RBM19: variants seen among roughly 807,000 people sequenced by gnomAD.
RBM19 encodes the protein probable RNA-binding protein 19.
Under a neutral mutation model 116.8 loss-of-function variants are expected in RBM19, and 94 were observed. That is an observed-to-expected ratio of 0.80 (90% CI 0.68 to 0.95). The LOEUF (loss-of-function observed/expected upper bound fraction) is 0.95, where lower values mean the gene tolerates loss of function less well. Ranked by LOEUF, RBM19 falls within the 40% of genes least tolerant of loss-of-function variation. The pLI is 0.00. For synonymous variants in RBM19, 475 were observed against 494.1 expected (o/e 0.96, Z 0.51); for missense variants, 1,161 against 1,220.7 (o/e 0.95, Z 0.73).
At chr12:113,953,529 T>A (rs920151248) in intron 7 of RBM19, among the ~76,000 whole-genome samples, 2 of 152,166 alleles carry the variant, frequency 1.3e-5, no homozygotes, top group Admixed American at 1.3e-4. Flanking sequence ...TCTACAAATG[T>A]GAGAGAGTAT....
At chr12:113,956,695 A>G (rs1407266048) in intron 6 of RBM19, among the ~76,000 whole-genome samples, 5 of 151,920 alleles carry the variant, frequency 3.3e-5, no homozygotes, top group Admixed American at 2.6e-4. Flanking sequence ...TCTGATGCAG[A>G]GAGGACTCCC....
chr12:113,932,960 C>A lies in RBM19; in HGVS notation c.2068+4047G>T, dbSNP rs1439616231. 2.0e-5 allele frequency among the ~76,000 whole-genome samples: 3 copies of A among 152,046 alleles called. No homozygotes were observed. In the East Asian group the frequency reaches 5.8e-4, roughly 29 times the overall value. On this transcript the variant is annotated intron_variant, in intron 16 of 23. Transcript: ENST00000261741. Reference sequence around the variant, plus strand: ...TCGCCACATGGGGCTTTATTATAATCAGGCCACAGAATTTACTGCGGCCTC... The same window carrying A: ...TCGCCACATGGGGCTTTATTATAATAAGGCCACAGAATTTACTGCGGCCTC...
At chr12:113,890,619 C>T (rs1425140137) in intron 21 of RBM19, among the ~76,000 whole-genome samples, 1 of 152,152 alleles carries the variant, frequency 6.6e-6, no homozygotes, top group Non-Finnish European at 1.5e-5. Context: ...GCTCTGGCCA[C>T]GGTGGAGAGA....
chr12:113,939,855 T>C (rs2135905259), intron 15 of RBM19, 105 bp downstream of exon 15: 1 of 1,250,494 alleles, frequency 8.0e-7, no homozygotes, highest in Non-Finnish European at 1.1e-6. Flanking sequence ...TAGGGTGAGC[T>C]CCCATGTGCC....
At chr12:113,824,617 C>A (rs1333534924) in intron 23 of RBM19, among the ~76,000 whole-genome samples, 2 of 152,062 alleles carry the variant, frequency 1.3e-5, no homozygotes, top group South Asian at 2.1e-4. Context: ...TGTGAGCTCC[C>A]TGGAGCTCAC....
At chr12:113,839,828 G>A (rs891168763) in intron 23 of RBM19, among the ~76,000 whole-genome samples, 1 of 152,180 alleles carries the variant, frequency 6.6e-6, no homozygotes, top group South Asian at 2.1e-4. Flanking sequence ...GCCAGAATGC[G>A]GAATCCAGGT....
At chr12:113,837,814 G>C (rs1015936017) in intron 23 of RBM19, among the ~76,000 whole-genome samples, 2 of 152,208 alleles carry the variant, frequency 1.3e-5, no homozygotes, top group Non-Finnish European at 2.9e-5. Context: ...GATTGCGACA[G>C]TACAGTAAAT....
intron 21 of RBM19, among the ~76,000 whole-genome samples, chr12:113,862,279 T>A (rs1049165372): frequency 6.6e-5 from 10 of 152,194 alleles, no homozygotes; most frequent in Non-Finnish European, 1.5e-4. Flanking sequence ...GACTTGCCCA[T>A]GTCTCATGGC....
intron 21 of RBM19, among the ~76,000 whole-genome samples, chr12:113,874,229 C>A (rs1479929028): frequency 6.6e-6 from 1 of 152,214 alleles, no homozygotes; most frequent in African/African-American, 2.4e-5. Flanking sequence ...TCCAACAGCA[C>A]CTGGCACACA....
chr12:113,871,221 T>C (rs1879181852), intron 21 of RBM19, among the ~76,000 whole-genome samples: 1 of 152,218 alleles, frequency 6.6e-6, no homozygotes, highest in Non-Finnish European at 1.5e-5. Context: ...AAATGATGCC[T>C]GAAACCCACA....
At chr12:113,962,143 G>A (rs1382881091) in intron 2 of RBM19, 89 bp downstream of exon 2, 1 of 1,458,950 alleles carries the variant, frequency 6.9e-7, no homozygotes, top group Non-Finnish European at 9.5e-7. Flanking sequence ...AAAGTGAAGA[G>A]GGACGGTCTT....
At chr12:113,838,349 C>G (rs1439208599) in intron 23 of RBM19, among the ~76,000 whole-genome samples, 2 of 151,992 alleles carry the variant, frequency 1.3e-5, no homozygotes, top group Non-Finnish European at 2.9e-5. Flanking sequence ...TACGTAAACT[C>G]CATGGGGAGA....
At chr12:113,950,719 T>A (rs1471993489) in intron 8 of RBM19, among the ~76,000 whole-genome samples, 1 of 152,148 alleles carries the variant, frequency 6.6e-6, no homozygotes, top group Non-Finnish European at 1.5e-5. Flanking sequence ...AAAGAAATAC[T>A]CCGAGGGGCA....
Position 113,863,648 on chromosome 12 carries a change from G to C in RBM19, c.2559-4752C>G, listed in dbSNP as rs545136981. On this transcript the variant is annotated intron_variant, in intron 21 of 23. Coordinates refer to ENST00000261741, the MANE Select transcript of RBM19 (RefSeq NM_016196.4). The stretch of plus-strand genomic sequence containing the variant: ...AGCAGAAGTGCTGAGTCATGTGGGG[G>C]AGTTTGCTGGCATAACTTCTCCCCA... 1.4e-4 allele frequency among the ~76,000 whole-genome samples: 21 copies of C among 152,242 alleles called. No individual in the cohort carries two copies. In the South Asian group the frequency reaches 3.7e-3, roughly 27 times the overall value.
At chr12:113,817,579 C>T (rs550721142), downstream of RBM19, 2 of 152,372 alleles carry the variant, frequency 1.3e-5, no homozygotes, top group Admixed American at 1.3e-4. Context: ...GATGCCAGCT[C>T]AAGTTTCTGG....
At chr12:113,923,526 T>C in intron 18 of RBM19, among the ~76,000 whole-genome samples, 1 of 152,192 alleles carries the variant, frequency 6.6e-6, no homozygotes, top group East Asian at 1.9e-4. Context: ...CCCCAGTACT[T>C]CTGGGGAAAA....
chr12:113,827,044 C>T (rs112839395), intron 23 of RBM19, among the ~76,000 whole-genome samples: 9 of 152,286 alleles, frequency 5.9e-5, no homozygotes, highest in African/African-American at 1.7e-4. Context: ...AATGACACCC[C>T]GCACCTCCCG....
intron 2 of RBM19, among the ~76,000 whole-genome samples, 176 bp downstream of exon 2, chr12:113,962,056 G>A (rs190479276): frequency 1.1e-4 from 16 of 152,362 alleles, no homozygotes; most frequent in Admixed American, 7.8e-4. Context: ...CCAGGAAGCT[G>A]TTATAATAAG....
At chr12:113,914,252 A>T (rs1291512965) in intron 21 of RBM19, among the ~76,000 whole-genome samples, 9 of 152,246 alleles carry the variant, frequency 5.9e-5, no homozygotes, top group Non-Finnish European at 1.2e-4. Flanking sequence ...TCCCAGCTGG[A>T]TGACCAGAGA....
Sources: allele counts gnomAD v4.1 joint callset (sites outside exome capture counted in the v4.1 genomes callset), GRCh38; gene constraint gnomAD v4.1.1; transcripts MANE v1.5; gene names NCBI Gene and HGNC (gene_info 2026-07-23, HGNC 2026-07-21).